HS6ST3: variants seen among roughly 807,000 people sequenced by gnomAD.
HS6ST3 encodes heparan sulfate 6-O-sulfotransferase 3, also known as heparan-sulfate 6-O-sulfotransferase 3.
In HS6ST3, 12 loss-of-function variants were observed where a neutral mutation model predicts 36.7. The observed-to-expected ratio is 0.33, with a 90% CI of 0.21 to 0.53. HS6ST3 has a LOEUF of 0.53. Among genes scored for constraint, HS6ST3 ranks in the 20% least tolerant of loss-of-function variants. HS6ST3 has a pLI of 0.95. For missense variants in HS6ST3, 584 were observed against 640.9 expected (o/e 0.91, Z 0.96); for synonymous variants, 240 against 257.5 (o/e 0.93, Z 0.65).
At chr13:96,429,109 T>TG (rs2055601822) in intron 1 of HS6ST3, among the ~76,000 whole-genome samples, 1 of 152,172 alleles carries the variant, frequency 6.6e-6, no homozygotes, top group South Asian at 2.1e-4. Flanking sequence ...AAATTGCTGA[T>TG]GGGGGATTTA....
rs527412250 is a variant in HS6ST3 at position 96,512,000 on chromosome 13, C to T, written c.708-320490C>T. 1.9e-3 allele frequency among the ~76,000 whole-genome samples: 292 copies of T among 152,214 alleles called. 3 individuals carry two copies. Among genetic ancestry groups the T allele is most frequent in the African/African-American group, 6.3e-3 (263 of 41,526 alleles). On this transcript the variant is annotated intron_variant, in intron 1 of 1. Transcript: ENST00000376705. ...AGTTGGTTTAAGGTACCAACTTTAT[C>T]GTATATGTATGTACAAAATTACATC...
intron 1 of HS6ST3, among the ~76,000 whole-genome samples, chr13:96,216,122 G>T (rs1004970130): frequency 6.6e-6 from 1 of 152,092 alleles, no homozygotes; most frequent in Non-Finnish European, 1.5e-5. Flanking sequence ...GAATTGTTCT[G>T]AGAATTATAC....
At chr13:96,265,470 G>A (rs961803588) in intron 1 of HS6ST3, among the ~76,000 whole-genome samples, 5 of 152,116 alleles carry the variant, frequency 3.3e-5, no homozygotes, top group Middle Eastern at 3.2e-3. Context: ...ATGAGACACC[G>A]TGTTTGATGA....
chr13:96,601,627 G>A (rs1261787160), intron 1 of HS6ST3, among the ~76,000 whole-genome samples: 2 of 152,080 alleles, frequency 1.3e-5, no homozygotes, highest in Admixed American at 6.5e-5. Context: ...ATTTGATTTT[G>A]ATTTGAATCT....
intron 1 of HS6ST3, among the ~76,000 whole-genome samples, chr13:96,272,077 G>A (rs1927789): frequency 0.55 from 83,850 of 151,800 alleles, 24,087 homozygotes; most frequent in African/African-American, 0.69. Flanking sequence ...CACAGCCATT[G>A]TAAAGAGTAA....
intron 1 of HS6ST3, among the ~76,000 whole-genome samples, chr13:96,258,615 T>C (rs1349197684): frequency 4.6e-5 from 7 of 152,170 alleles, no homozygotes. Context: ...TAGGATAGGC[T>C]CTTTCCTTTT....
chr13:96,184,220 AAAG>A (rs1299334633), intron 1 of HS6ST3, among the ~76,000 whole-genome samples: 2 of 81,184 alleles, frequency 2.5e-5, no homozygotes, highest in African/African-American at 4.6e-5. Context: ...AAAAAAAAAA[AAAG>A]AGAGAGAGAG....
intron 1 of HS6ST3, among the ~76,000 whole-genome samples, chr13:96,810,529 CA>C (rs1057250182): frequency 1.3e-5 from 2 of 152,206 alleles, no homozygotes; most frequent in Non-Finnish European, 2.9e-5. Flanking sequence ...AGTGAATCCT[CA>C]CAGGAAAACC....
intron 1 of HS6ST3, among the ~76,000 whole-genome samples, chr13:96,755,724 A>G (rs553890101): frequency 2.6e-5 from 4 of 152,306 alleles, no homozygotes; most frequent in African/African-American, 9.6e-5. Flanking sequence ...GCCAGCTTTT[A>G]AAAATCCATT....
At chr13:96,499,516 G>T (rs1281385065) in intron 1 of HS6ST3, among the ~76,000 whole-genome samples, 2 of 152,160 alleles carry the variant, frequency 1.3e-5, no homozygotes, top group Non-Finnish European at 2.9e-5. Flanking sequence ...AAAGGAGAAA[G>T]ATAATGTGGG....
At chr13:96,718,163 A>G (rs991942882) in intron 1 of HS6ST3, among the ~76,000 whole-genome samples, 1 of 152,136 alleles carries the variant, frequency 6.6e-6, no homozygotes, top group African/African-American at 2.4e-5. Context: ...TGTAGTACTT[A>G]TTGCAGTGAT....
chr13:96,192,180 G>A (rs1207892358), intron 1 of HS6ST3, among the ~76,000 whole-genome samples: 1 of 152,164 alleles, frequency 6.6e-6, no homozygotes, highest in Non-Finnish European at 1.5e-5. Flanking sequence ...TAACAAAAGT[G>A]CTTAGAAAAG....
chr13:96,202,909 AG>A (rs1242000479), intron 1 of HS6ST3, among the ~76,000 whole-genome samples: 2 of 152,182 alleles, frequency 1.3e-5, no homozygotes, highest in Non-Finnish European at 2.9e-5. Context: ...GAACTTAGGG[AG>A]GCAAATTTAT....
At chr13:96,467,374 CGTA>C (rs2055819276) in intron 1 of HS6ST3, among the ~76,000 whole-genome samples, 1 of 152,088 alleles carries the variant, frequency 6.6e-6, no homozygotes, top group South Asian at 2.1e-4. Context: ...TAATTAGTCT[CGTA>C]GGAAAAGAGG....
intron 1 of HS6ST3, among the ~76,000 whole-genome samples, chr13:96,115,564 C>T (rs1043403047): frequency 1.3e-5 from 2 of 152,184 alleles, no homozygotes; most frequent in Admixed American, 6.5e-5. Context: ...TGTGTCCCTG[C>T]AAAGGGCATG....
intron 1 of HS6ST3, among the ~76,000 whole-genome samples, chr13:96,658,261 TC>T (rs2056632750): frequency 7.9e-6 from 1 of 125,964 alleles, no homozygotes; most frequent in Admixed American, 9.3e-5. Flanking sequence ...CTTCTTCTCT[TC>T]TTCTTCTTTT....
chr13:96,804,401 A>G (rs1566457987), intron 1 of HS6ST3, among the ~76,000 whole-genome samples: 1 of 152,106 alleles, frequency 6.6e-6, no homozygotes, highest in Non-Finnish European at 1.5e-5. Flanking sequence ...GCTTACCAAC[A>G]CATTTATAAA....
chr13:96,511,622 A>G (rs1594797032), intron 1 of HS6ST3, among the ~76,000 whole-genome samples: 1 of 150,408 alleles, frequency 6.6e-6, no homozygotes, highest in Non-Finnish European at 1.5e-5. Flanking sequence ...GGCATTCTAG[A>G]TATGATTCCC....
intron 1 of HS6ST3, among the ~76,000 whole-genome samples, chr13:96,327,898 C>T (rs1391398259): frequency 1.4e-5 from 2 of 143,470 alleles, no homozygotes; most frequent in Non-Finnish European, 3.1e-5. Context: ...TCCTTCACAT[C>T]CCTTGTAAGT....
Sources: allele counts gnomAD v4.1 joint callset (sites outside exome capture counted in the v4.1 genomes callset), GRCh38; gene constraint gnomAD v4.1.1; transcripts MANE v1.5; gene names NCBI Gene and HGNC (gene_info 2026-07-23, HGNC 2026-07-21).